ATP2B4: variants seen among roughly 807,000 people sequenced by gnomAD.
ATP2B4 encodes the protein plasma membrane calcium-transporting ATPase 4.
ATP2B4 carries 39 observed loss-of-function variants against 110.3 expected under a neutral mutation model. That is an observed-to-expected ratio of 0.35 (90% CI 0.27 to 0.46). The LOEUF is 0.46. ATP2B4 is among the 20% of genes least tolerant of loss of function. The pLI is 1.00. For missense variants in ATP2B4, 1,135 were observed against 1,530.9 expected, an observed-to-expected ratio of 0.74 and a Z score of 4.32; for synonymous variants, 538 against 571.7, an observed-to-expected ratio of 0.94 and a Z score of 0.84.
intron 1 of ATP2B4, among the ~76,000 whole-genome samples, chr1:203,637,458 A>C (rs1282427785): frequency 6.9e-6 from 1 of 145,350 alleles, no homozygotes; most frequent in Non-Finnish European, 1.5e-5. Flanking sequence ...AAAAAAAGCC[A>C]ATATACAACC....
intron 2 of ATP2B4, among the ~76,000 whole-genome samples, chr1:203,687,657 T>C (rs1665237407): frequency 6.6e-6 from 1 of 151,986 alleles, no homozygotes; most frequent in Non-Finnish European, 1.5e-5. Flanking sequence ...ATTGACAGAA[T>C]TTTTTTTTAA....
At chr1:203,723,763 G>A in intron 18 of ATP2B4, 118 bp from the exon 19 acceptor site, 2 of 751,796 alleles carry the variant, frequency 2.7e-6, no homozygotes, top group Non-Finnish European at 4.2e-6. Flanking sequence ...AAGCAAATCG[G>A]GACTTGTACC....
chr1:203,724,075 A>T (rs991283977), intron 19 of ATP2B4, 87 bp downstream of exon 19: 198 of 1,090,124 alleles, frequency 1.8e-4, no homozygotes, highest in Non-Finnish European at 2.5e-4. Flanking sequence ...AACGGTGGAG[A>T]CCCCCCAGCT....
chr1:203,648,715 G>A (rs1166514620), intron 1 of ATP2B4, among the ~76,000 whole-genome samples: 5 of 152,162 alleles, frequency 3.3e-5, no homozygotes, highest in African/African-American at 4.8e-5. Context: ...CTCTGTGCTC[G>A]TAGTTTGTCC....
intron 2 of ATP2B4, among the ~76,000 whole-genome samples, chr1:203,690,022 G>A (rs942754419): frequency 1.3e-5 from 2 of 152,206 alleles, no homozygotes; most frequent in Admixed American, 1.3e-4. Context: ...TTAATTACTG[G>A]GTAGTTACTA....
At chr1:203,663,014 G>A (rs1201060655) in intron 1 of ATP2B4, among the ~76,000 whole-genome samples, 2 of 152,232 alleles carry the variant, frequency 1.3e-5, no homozygotes, top group Non-Finnish European at 1.5e-5. Flanking sequence ...CCTAGGGAAA[G>A]ACCCTATTGT....
At chr1:203,739,426 T>G (rs1666949894) in intron 20 of ATP2B4, 120 bp from the exon 21 acceptor site, 1 of 979,014 alleles carries the variant, frequency 1.0e-6, no homozygotes, top group African/African-American at 1.6e-5. Flanking sequence ...GTTTTGATGC[T>G]GAGCAGTCAT....
At chr1:203,724,599 A>AAT (rs1553251216) in intron 19 of ATP2B4, among the ~76,000 whole-genome samples, 7 of 152,162 alleles carry the variant, frequency 4.6e-5, no homozygotes, top group Middle Eastern at 6.8e-3. Flanking sequence ...ACAAAAAAAA[A>AAT]ATATATAATA....
At chr1:203,723,420 A>ATATATC (rs1553251094) in intron 18 of ATP2B4, among the ~76,000 whole-genome samples, 4 of 44,540 alleles carry the variant, frequency 9.0e-5, no homozygotes, top group African/African-American at 3.8e-4. Context: ...TGAGACAGAT[A>ATATATC]TCTCTCTCTC....
intron 1 of ATP2B4, chr1:203,657,167 G>A: frequency 2.4e-6 from 2 of 816,662 alleles, no homozygotes; most frequent in Non-Finnish European, 4.3e-6. Context: ...CCAAGTATTG[G>A]TGGGCAAAAG....
chr1:203,702,675 C>G (rs1409429116), intron 7 of ATP2B4, among the ~76,000 whole-genome samples: 2 of 152,176 alleles, frequency 1.3e-5, no homozygotes, highest in East Asian at 3.8e-4. Flanking sequence ...CACATTCTGT[C>G]TCCGTCTTCT....
chr1:203,721,427 G>C lies in ATP2B4; in HGVS notation c.2812+17G>C. On this transcript the variant is annotated intron_variant, in intron 17 of 20. Coordinates refer to ENST00000357681, the MANE Select transcript of ATP2B4 (RefSeq NM_001684.5). The stretch of plus-strand genomic sequence containing the variant: ...TCTTTGCGGGTGAGCCACTTTGGGG[G>C]TGGGTAGCAGCTGGGGTCCTGGTTG... 6.2e-7 allele frequency: 1 copy of C among 1,611,996 alleles called. No homozygotes were observed. Among genetic ancestry groups the C allele is most frequent in the Non-Finnish European group, 8.5e-7 (1 of 1,178,344 alleles).
intron 8 of ATP2B4, among the ~76,000 whole-genome samples, chr1:203,704,664 A>G (rs902051685): frequency 1.3e-5 from 2 of 151,750 alleles, no homozygotes; most frequent in African/African-American, 2.4e-5. Context: ...TATTTTTAGT[A>G]GAGATGGGGT....
intron 1 of ATP2B4, among the ~76,000 whole-genome samples, chr1:203,677,763 C>A (rs1460923349): frequency 2.6e-5 from 4 of 152,170 alleles, no homozygotes; most frequent in Admixed American, 6.5e-5. Flanking sequence ...CGCACCCGGC[C>A]CTGAAGCAGG....
At chr1:203,638,619 G>C (rs574677033) in intron 1 of ATP2B4, among the ~76,000 whole-genome samples, 3 of 152,234 alleles carry the variant, frequency 2.0e-5, no homozygotes, top group South Asian at 2.1e-4. Context: ...TGAGGCAGAG[G>C]TGGGGGTACA....
chr1:203,708,178 C>G lies in ATP2B4; in HGVS notation c.1557+74C>G, dbSNP rs959417131. The stretch of plus-strand genomic sequence containing the variant: ...ACATCCATTTTCTCTGAAATGAACC[C>G]CCTTATTGTTTACACTGCCTAAATT... On this transcript the variant is annotated intron_variant, in intron 10 of 20. Transcript: ENST00000357681. The G allele has an allele frequency of 2.1e-5, 33 of 1,583,728 alleles. No individual in the cohort carries two copies. In the Admixed American group the frequency reaches 5.6e-4, roughly 27 times the overall value.
At chr1:203,709,685 A>G (rs1448204158) in intron 11 of ATP2B4, 143 bp downstream of exon 11, 4 of 1,341,614 alleles carry the variant, frequency 3.0e-6, no homozygotes, top group Non-Finnish European at 2.0e-6. Context: ...GCGTCTACTC[A>G]GGCCACGCAT....
chr1:203,715,509 C>T (rs937387101), intron 15 of ATP2B4, among the ~76,000 whole-genome samples: 3 of 142,664 alleles, frequency 2.1e-5, no homozygotes, highest in Non-Finnish European at 4.7e-5. Flanking sequence ...GCCGAGTTAG[C>T]ACCACTGCAC....
At chr1:203,735,861 G>A (rs1191271270) in intron 20 of ATP2B4, among the ~76,000 whole-genome samples, 2 of 152,144 alleles carry the variant, frequency 1.3e-5, no homozygotes, top group East Asian at 3.9e-4. Flanking sequence ...CAGATATCCT[G>A]ATGGTTTGAT....
Sources: gnomAD v4.1 joint callset for allele counts (sites outside exome capture counted in the v4.1 genomes callset) on GRCh38, gnomAD v4.1.1 for gene constraint, MANE v1.5 for transcripts, NCBI Gene and HGNC (gene_info 2026-07-23, HGNC 2026-07-21) for gene names.